The following GRIN2A variants were observed in gnomAD, a reference collection of about 807,000 sequenced individuals.
GRIN2A encodes the protein glutamate receptor ionotropic, NMDA 2A.
In GRIN2A, 22 loss-of-function variants were observed where a neutral mutation model predicts 113.4. The ratio of observed to expected loss-of-function variants is 0.19; its 90% confidence interval spans 0.14 to 0.28. The LOEUF (loss-of-function observed/expected upper bound fraction) is 0.28. Ranked by LOEUF, GRIN2A falls within the 10% of genes least tolerant of loss-of-function variation. GRIN2A has a pLI of 1.00. For synonymous variants in GRIN2A, 827 were observed against 738.4 expected, an observed-to-expected ratio of 1.12 and a Z score of -1.94; for missense variants, 1,502 against 1,887.0, an observed-to-expected ratio of 0.80 and a Z score of 3.78.
chr16:10,157,258 T>C (rs920815461), intron 2 of GRIN2A, among the ~76,000 whole-genome samples: 3 of 152,138 alleles, frequency 2.0e-5, no homozygotes, highest in African/African-American at 7.2e-5. Context: ...GTGTCAGAGA[T>C]TGTTTTATGT....
intron 2 of GRIN2A, chr16:10,112,676 G>T (rs2048641379): frequency 1.3e-6 from 1 of 756,716 alleles, no homozygotes; most frequent in South Asian, 1.3e-5. Context: ...ACTTCAGCGA[G>T]GGGGAAAAGG....
intron 10 of GRIN2A, among the ~76,000 whole-genome samples, chr16:9,800,024 G>A (rs528573282): frequency 8.6e-5 from 13 of 151,286 alleles, no homozygotes; most frequent in Admixed American, 2.6e-4. Context: ...GCCCAGGCTG[G>A]AGTGCAATGG....
chr16:10,137,135 C>T lies in GRIN2A; in HGVS notation c.414+42863G>A, dbSNP rs554598050. 3.3e-5 allele frequency among the ~76,000 whole-genome samples: 5 copies of T among 152,248 alleles called. No individual in the cohort carries two copies. The East Asian group carries it at 9.6e-4, about 29-fold the overall frequency. ...CCCTGCAGGTGGGCTAAACCTGCTT[C>T]CAAAGCCAGAAAAGACAGAGTCGGA... On this transcript the variant is annotated intron_variant, in intron 2 of 12. Coordinates refer to ENST00000330684, the MANE Select transcript of GRIN2A (RefSeq NM_001134407.3).
chr16:10,106,650 A>G (rs1291411906), intron 2 of GRIN2A, among the ~76,000 whole-genome samples: 1 of 152,200 alleles, frequency 6.6e-6, no homozygotes, highest in African/African-American at 2.4e-5. Flanking sequence ...GAATGGATAG[A>G]TGAGAATGCA....
chr16:9,773,861 C>T (rs1407484801), intron 11 of GRIN2A, among the ~76,000 whole-genome samples: 1 of 152,216 alleles, frequency 6.6e-6, no homozygotes, highest in Non-Finnish European at 1.5e-5. Context: ...GTGTCAAGGT[C>T]ACTCTTTTCC....
intron 2 of GRIN2A, among the ~76,000 whole-genome samples, chr16:10,139,383 C>A (rs2049275469): frequency 6.6e-6 from 1 of 152,140 alleles, no homozygotes; most frequent in Non-Finnish European, 1.5e-5. Context: ...GCAAGAGGGG[C>A]AGCTGAAAGC....
rs74621292 is a variant in GRIN2A at position 10,154,484 on chromosome 16, G to A, written c.414+25514C>T. 5.3e-5 allele frequency among the ~76,000 whole-genome samples: 8 copies of A among 152,154 alleles called. No individual in the cohort carries two copies. In the East Asian group the frequency reaches 1.3e-3, roughly 26 times the overall value. ...TGTTTATATTTTGTCCCCATCCCCT[G>A]GAATATAAGTTTGATAAGGGCAGGG... On this transcript the variant is annotated intron_variant, in intron 2 of 12. Coordinates refer to ENST00000330684, the MANE Select transcript of GRIN2A (RefSeq NM_001134407.3).
chr16:9,797,622 T>A (rs1903082923), intron 11 of GRIN2A, among the ~76,000 whole-genome samples: 1 of 152,200 alleles, frequency 6.6e-6, no homozygotes, highest in Non-Finnish European at 1.5e-5. Context: ...TCATGCCTGA[T>A]AAGTCTAGGA....
intron 10 of GRIN2A, among the ~76,000 whole-genome samples, chr16:9,801,489 C>T (rs1346562473): frequency 2.0e-5 from 3 of 152,226 alleles, no homozygotes; most frequent in South Asian, 2.1e-4. Context: ...AATCTACACA[C>T]GTACCTAGCA....
chr16:10,041,933 C>T (rs1026227861), intron 2 of GRIN2A, among the ~76,000 whole-genome samples: 6 of 152,162 alleles, frequency 3.9e-5, no homozygotes, highest in Non-Finnish European at 5.9e-5. Context: ...CTTTGTATAT[C>T]GCAATATAGT....
Position 10,154,943 on chromosome 16 carries a change from T to G in GRIN2A, c.414+25055A>C, listed in dbSNP as rs147626997. On this transcript the variant is annotated intron_variant, in intron 2 of 12. Coordinates refer to ENST00000330684, the MANE Select transcript of GRIN2A (RefSeq NM_001134407.3). ...TTGTATAAAAAACAGAAGGGGAGTC[T>G]TCTGATCAAATAGATTTGGGAAACA... is the stretch of plus-strand genomic sequence containing the variant. 9.3e-4 allele frequency among the ~76,000 whole-genome samples: 142 copies of G among 152,336 alleles called. 2 individuals carry two copies. The South Asian group carries it at 0.011, about 12-fold the overall frequency.
intron 2 of GRIN2A, among the ~76,000 whole-genome samples, chr16:9,973,759 T>C (rs1344817476): frequency 6.6e-6 from 1 of 152,112 alleles, no homozygotes; most frequent in African/African-American, 2.4e-5. Flanking sequence ...CAGAAGACAG[T>C]GGAATAATGT....
At chr16:10,149,408 T>C (rs959543492) in intron 2 of GRIN2A, among the ~76,000 whole-genome samples, 1 of 152,210 alleles carries the variant, frequency 6.6e-6, no homozygotes, top group African/African-American at 2.4e-5. Flanking sequence ...AATCTAGGAC[T>C]TTGCCCAGTG....
chr16:9,758,896 A>C lies in GRIN2A; in HGVS notation c.*4253T>G, dbSNP rs1900465190. On this transcript the variant is annotated 3_prime_UTR_variant, in exon 13 of 13. Coordinates refer to ENST00000330684, the MANE Select transcript of GRIN2A (RefSeq NM_001134407.3). ...AGTGAAAATAAACAGTACTTTTGGA[A>C]GGAAAATTGCCTTTACATAGAACCC... is the stretch of plus-strand genomic sequence containing the variant. 1 of 220,058 alleles carries C rather than the reference A, an allele frequency of 4.5e-6. No individual in the cohort carries two copies. The highest frequency in any genetic ancestry group is 9.1e-6 in the Non-Finnish European group (1 of 109,646). The allele number at this position is 220,058 out of a possible 1,614,324, so 13.6% of individuals were successfully genotyped here.
At position 9,753,457 on chromosome 16, in the gene GRIN2A, T is replaced by C. The variant is rs58340432; in HGVS notation, c.*9692A>G. ...ATTATCTTTATTAGAAAAATGAAAT[T>C]TTCCTGTATTTACATTTTTACACCA... is the stretch of plus-strand genomic sequence containing the variant. On this transcript the variant is annotated 3_prime_UTR_variant, in exon 13 of 13. Transcript: ENST00000330684. 9.5e-3 allele frequency: 1,884 copies of C among 198,354 alleles called. 23 individuals carry two copies. Among genetic ancestry groups the C allele is most frequent in the African/African-American group, 0.04 (1,743 of 43,436 alleles). 12.3% of individuals were successfully genotyped at this position (198,354 alleles called of 1,614,324 possible).
intron 11 of GRIN2A, among the ~76,000 whole-genome samples, chr16:9,781,569 C>T (rs1451317529): frequency 6.6e-6 from 1 of 152,088 alleles, no homozygotes; most frequent in Admixed American, 6.6e-5. Flanking sequence ...CCATGTTGCC[C>T]AGGCTAGTCT....
intron 2 of GRIN2A, among the ~76,000 whole-genome samples, chr16:10,164,329 C>T (rs111380782): frequency 4.6e-5 from 7 of 152,232 alleles, no homozygotes; most frequent in Non-Finnish European, 8.8e-5. Context: ...AATATCTGTG[C>T]GTCAGGGAAC....
At chr16:10,091,968 T>G (rs1264209485) in intron 2 of GRIN2A, among the ~76,000 whole-genome samples, 1 of 152,202 alleles carries the variant, frequency 6.6e-6, no homozygotes, top group Non-Finnish European at 1.5e-5. Context: ...AACTTTACTT[T>G]AAAAATCATT....
chr16:10,146,673 C>T (rs977688571), intron 2 of GRIN2A, among the ~76,000 whole-genome samples: 9 of 152,190 alleles, frequency 5.9e-5, no homozygotes, highest in Non-Finnish European at 1.0e-4. Flanking sequence ...CTTTGAGTCT[C>T]TGGCAAGAGG....
Sources: gnomAD v4.1 joint callset for allele counts (sites outside exome capture counted in the v4.1 genomes callset) on GRCh38, gnomAD v4.1.1 for gene constraint, MANE v1.5 for transcripts, NCBI Gene and HGNC (gene_info 2026-07-23, HGNC 2026-07-21) for gene names.